Variants in RORB observed in about 807,000 individuals in gnomAD.
The protein encoded by RORB is nuclear receptor ROR-beta.
In RORB, 6 loss-of-function variants were observed where a neutral mutation model predicts 59.1. That is an observed-to-expected ratio of 0.10 (90% CI 0.06 to 0.20). The LOEUF (loss-of-function observed/expected upper bound fraction) is 0.20, where lower values mean the gene tolerates loss of function less well. Among genes scored for constraint, RORB ranks in the 10% least tolerant of loss-of-function variants. The pLI, the probability that RORB is intolerant of heterozygous loss-of-function variation, is 1.00. For missense variants in RORB, 320 were observed against 560.5 expected, an observed-to-expected ratio of 0.57 and a Z score of 4.33; for synonymous variants, 215 against 204.5, an observed-to-expected ratio of 1.05 and a Z score of -0.44.
At position 74,688,246 on chromosome 9, in the gene RORB, A is replaced by G. The variant is rs2118590049; in HGVS notation, c.*2628A>G. On this transcript the variant is annotated 3_prime_UTR_variant, in exon 10 of 10. Coordinates refer to ENST00000376896, the MANE Select transcript of RORB (RefSeq NM_006914.4). ...CCAGAGCAAAACAATGGCAACCAGG[A>G]CATACTCATCCCACTTAGTTGAGAG... The G allele has an allele frequency of 6.6e-6, 1 of 152,366 alleles. No individual in the cohort carries two copies. Among genetic ancestry groups the G allele is most frequent in the African/African-American group, 2.4e-5 (1 of 41,588 alleles). The allele number at this position is 152,366 out of a possible 1,614,324, so 9.4% of individuals were successfully genotyped here.
chr9:74,513,476 A>G (rs1587334843), intron 1 of RORB, among the ~76,000 whole-genome samples: 1 of 152,066 alleles, frequency 6.6e-6, no homozygotes, highest in Admixed American at 6.6e-5. Context: ...TATTTGTGTG[A>G]TTTTTATCAA....
chr9:74,569,802 C>T (rs762798008), intron 1 of RORB, among the ~76,000 whole-genome samples: 2 of 152,036 alleles, frequency 1.3e-5, no homozygotes, highest in Non-Finnish European at 2.9e-5. Context: ...ATGCATTTCT[C>T]TTTCTTTGAC....
intron 8 of RORB, among the ~76,000 whole-genome samples, chr9:74,668,465 A>G (rs1824300896): frequency 6.6e-6 from 1 of 152,218 alleles, no homozygotes; most frequent in African/African-American, 2.4e-5. Context: ...AACTCCCTGC[A>G]TGCAGTCAAA....
intron 4 of RORB, among the ~76,000 whole-genome samples, chr9:74,643,156 T>C (rs946733079): frequency 6.6e-6 from 1 of 152,202 alleles, no homozygotes; most frequent in Non-Finnish European, 1.5e-5. Context: ...GTTGATGCTA[T>C]TCAAAGTGAA....
rs867881429 is a variant in RORB, at chr9:74,538,729, A to G, written c.7+40746A>G. On this transcript the variant is annotated intron_variant, in intron 1 of 9. Transcript: ENST00000376896. The stretch of plus-strand genomic sequence containing the variant: ...AGCTTACAGCAAAAGACAAAGATGC[A>G]AAAAAAAAAAAACAGAATTAAAAGG... 8.4e-3 allele frequency among the ~76,000 whole-genome samples: 267 copies of G among 31,926 alleles called. 1 individual carries two copies. Among genetic ancestry groups the G allele is most frequent in the East Asian group, 0.04 (9 of 224 alleles). The allele number at this position is 31,926 out of a possible 152,430, so 20.9% of individuals were successfully genotyped here. A position where few individuals can be genotyped will look rare whatever the true frequency, so the allele number is the denominator to read the frequency against.
At chr9:74,545,731 G>A (rs1563933386) in intron 1 of RORB, among the ~76,000 whole-genome samples, 1 of 152,072 alleles carries the variant, frequency 6.6e-6, no homozygotes, top group Non-Finnish European at 1.5e-5. Flanking sequence ...AGTCTTTTTG[G>A]AGACTTGCAG....
intron 1 of RORB, among the ~76,000 whole-genome samples, chr9:74,593,466 TAAAAAA>T (rs11343707): frequency 8.0e-6 from 1 of 124,818 alleles, no homozygotes; most frequent in Non-Finnish European, 1.7e-5. Flanking sequence ...AAACTCCATC[TAAAAAA>T]AAAAAAAAAA....
Position 74,634,669 on chromosome 9 carries a change from T to A in RORB, c.132T>A (p.Tyr44Ter). The A allele has an allele frequency of 6.2e-7, 1 of 1,613,388 alleles. No homozygotes were observed. Among genetic ancestry groups the A allele is most frequent in the Non-Finnish European group, 8.5e-7 (1 of 1,179,604 alleles). Reference sequence around the variant, plus strand: ...GGAGCCAGCAGAACAATGCTTCTTATTCCTGCCCAAGGCAGAGAAACTGTT... The same window carrying A: ...GGAGCCAGCAGAACAATGCTTCTTAATCCTGCCCAAGGCAGAGAAACTGTT... ...FRRSQQNNAS[Y>*]SCPRQRNCLI... The change falls in exon 3 of 10, where the codon TAT becomes TAA. Residue 44 changes from tyrosine (Y) to a stop codon, truncating the protein, a stop_gained. Coordinates refer to ENST00000376896, the MANE Select transcript of RORB (RefSeq NM_006914.4). LOFTEE classifies it high-confidence loss of function.
Position 74,636,689 on chromosome 9 carries a change from G to A in RORB, c.235+1917G>A, listed in dbSNP as rs1167817100. Among the ~76,000 whole-genome samples, 4 of 152,132 alleles carry A rather than the reference G, an allele frequency of 2.6e-5. No homozygotes were observed. In the South Asian group the frequency reaches 6.2e-4, roughly 24 times the overall value. ...TAGGTCCAGAGACAATCCTGAGGCTGCCGGGGACATCTTCAAAAATGCCTC... is the reference window on the plus strand; with the variant it reads ...TAGGTCCAGAGACAATCCTGAGGCTACCGGGGACATCTTCAAAAATGCCTC... On this transcript the variant is annotated intron_variant, in intron 3 of 9. Coordinates refer to ENST00000376896, the MANE Select transcript of RORB (RefSeq NM_006914.4).
chr9:74,563,862 G>A (rs146911202), intron 1 of RORB, among the ~76,000 whole-genome samples: 2 of 152,308 alleles, frequency 1.3e-5, no homozygotes, highest in Non-Finnish European at 2.9e-5. Context: ...GGCAGGAGTG[G>A]AAATAGATGC....
chr9:74,685,623 G>C lies in RORB; in HGVS notation c.*5G>C, dbSNP rs1195260641. ...TGTGCCACCGGCTGCAAATGAAGGG[G>C]ACAAGAGAACTGTCTCATAGTCATG... On this transcript the variant is annotated 3_prime_UTR_variant, in exon 10 of 10. Coordinates refer to ENST00000376896, the MANE Select transcript of RORB (RefSeq NM_006914.4). 1 of 1,585,270 alleles carries C rather than the reference G, an allele frequency of 6.3e-7. No individual in the cohort carries two copies. The highest frequency in any genetic ancestry group is 2.3e-5 in the East Asian group (1 of 44,252).
chr9:74,503,515 A>G (rs1051691593), intron 1 of RORB, among the ~76,000 whole-genome samples: 41 of 152,098 alleles, frequency 2.7e-4, no homozygotes, highest in African/African-American at 8.2e-4. Flanking sequence ...CAAAGGGAAG[A>G]TATGAATACA....
At chr9:74,624,387 G>T (rs185312439) in intron 1 of RORB, among the ~76,000 whole-genome samples, 2 of 152,194 alleles carry the variant, frequency 1.3e-5, no homozygotes, top group African/African-American at 4.8e-5. Flanking sequence ...AGCTGATGTT[G>T]AGATGCACTC....
chr9:74,685,331 C>T, intron 9 of RORB, 132 bp from the exon 10 acceptor site: 1 of 716,780 alleles, frequency 1.4e-6, no homozygotes, highest in Non-Finnish European at 2.2e-6. Flanking sequence ...TGAAAGTGCG[C>T]CTTCTTTCTT....
intron 1 of RORB, among the ~76,000 whole-genome samples, chr9:74,535,427 A>C (rs917950629): frequency 6.6e-6 from 1 of 151,988 alleles, no homozygotes; most frequent in African/African-American, 2.4e-5. Flanking sequence ...GGCTGTGCCT[A>C]GGATGGCAGA....
chr9:74,586,600 C>CGTGTGTGTGT (rs1313500289), intron 1 of RORB, among the ~76,000 whole-genome samples: 24,111 of 141,048 alleles, frequency 0.17, 2,434 homozygotes, highest in East Asian at 0.33. Context: ...ATGTAATGTC[C>CGTGTGTGTGT]GTGTGTGTGT....
At chr9:74,597,669 A>T (rs1050493898) in intron 1 of RORB, among the ~76,000 whole-genome samples, 2 of 152,196 alleles carry the variant, frequency 1.3e-5, no homozygotes, top group Admixed American at 6.5e-5. Flanking sequence ...CAATAATTTT[A>T]TATTGGTGGC....
intron 1 of RORB, among the ~76,000 whole-genome samples, chr9:74,500,281 C>G (rs1244128865): frequency 1.3e-5 from 2 of 152,154 alleles, no homozygotes; most frequent in African/African-American, 4.8e-5. Context: ...CCCCTAGTGT[C>G]TTTCCTTACT....
At position 74,688,181 on chromosome 9, in the gene RORB, T is replaced by A. The variant is rs147306252; in HGVS notation, c.*2563T>A. 2.0e-5 allele frequency: 3 copies of A among 152,328 alleles called. No individual in the cohort carries two copies. Among genetic ancestry groups the A allele is most frequent in the African/African-American group, 7.2e-5 (3 of 41,568 alleles). 9.4% of individuals were successfully genotyped at this position (152,328 alleles called of 1,614,324 possible). A position where few individuals can be genotyped will look rare whatever the true frequency, so the allele number is the denominator to read the frequency against. On this transcript the variant is annotated 3_prime_UTR_variant, in exon 10 of 10. Transcript: ENST00000376896. ...GCATTTCACTGGGACGGCATGGACC[T>A]TTTGAAGCTGGGAGGAAGGAAACAG...
Sources: allele counts gnomAD v4.1 joint callset (sites outside exome capture counted in the v4.1 genomes callset), GRCh38; gene constraint gnomAD v4.1.1; transcripts MANE v1.5; gene names NCBI Gene and HGNC (gene_info 2026-07-23, HGNC 2026-07-21).